The following PHACTR1 variants were observed in gnomAD, a reference collection of about 807,000 sequenced individuals.
PHACTR1 encodes phosphatase and actin regulator 1.
A neutral mutation model predicts 69.2 loss-of-function variants in PHACTR1; 16 were observed. That is an observed-to-expected ratio of 0.23 (90% CI 0.16 to 0.35). PHACTR1 has a LOEUF of 0.35. Among genes scored for constraint, PHACTR1 ranks in the 10% least tolerant of loss-of-function variants. PHACTR1 has a pLI of 1.00. For missense variants in PHACTR1, 510 were observed against 734.7 expected (o/e 0.69, Z 3.54); for synonymous variants, 312 against 284.5 (o/e 1.10, Z -0.97).
intron 3 of PHACTR1, among the ~76,000 whole-genome samples, chr6:12,737,846 A>G (rs1221210062): frequency 6.6e-6 from 1 of 152,108 alleles, no homozygotes; most frequent in African/African-American, 2.4e-5. Context: ...TCCTCCCTCA[A>G]AATGCTGAGA....
At chr6:13,132,970 T>C (rs1820711168) in intron 5 of PHACTR1, among the ~76,000 whole-genome samples, 2 of 152,158 alleles carry the variant, frequency 1.3e-5, no homozygotes, top group Non-Finnish European at 2.9e-5. Flanking sequence ...TTACCCACAA[T>C]AGAACTTCCT....
intron 4 of PHACTR1, among the ~76,000 whole-genome samples, chr6:12,892,522 C>T (rs1332847): frequency 0.23 from 35,603 of 152,026 alleles, 4,543 homozygotes; most frequent in Middle Eastern, 0.37. Context: ...AATCTTCAAG[C>T]GAAGGACCGA....
intron 4 of PHACTR1, among the ~76,000 whole-genome samples, chr6:12,800,163 C>A (rs2127675473): frequency 6.6e-6 from 1 of 152,204 alleles, no homozygotes; most frequent in East Asian, 1.9e-4. Context: ...GAAGCAATGG[C>A]AAAGAAAAAT....
chr6:13,237,684 G>A (rs751653943), intron 10 of PHACTR1, among the ~76,000 whole-genome samples: 11 of 152,274 alleles, frequency 7.2e-5, no homozygotes, highest in Middle Eastern at 3.4e-3. Context: ...CTTAACGATG[G>A]GATTACATTT....
At chr6:13,278,622 C>T (rs890871129) in intron 12 of PHACTR1, among the ~76,000 whole-genome samples, 1 of 152,152 alleles carries the variant, frequency 6.6e-6, no homozygotes, top group African/African-American at 2.4e-5. Flanking sequence ...TTACAAAATT[C>T]ACTATAATCC....
chr6:13,096,004 T>C (rs576652096), intron 5 of PHACTR1, among the ~76,000 whole-genome samples: 1 of 152,050 alleles, frequency 6.6e-6, no homozygotes, highest in South Asian at 2.1e-4. Flanking sequence ...GTAGTTAGAG[T>C]CTGAAATTAT....
At chr6:12,813,136 G>T (rs1235686734) in intron 4 of PHACTR1, among the ~76,000 whole-genome samples, 1 of 152,000 alleles carries the variant, frequency 6.6e-6, no homozygotes, top group Non-Finnish European at 1.5e-5. Context: ...CACAGAGAGA[G>T]AAAAAAACAG....
At chr6:13,264,544 A>G (rs535889567) in intron 10 of PHACTR1, among the ~76,000 whole-genome samples, 1 of 152,038 alleles carries the variant, frequency 6.6e-6, no homozygotes, top group African/African-American at 2.4e-5. Flanking sequence ...ACATGGTGAA[A>G]CCCCATCTCT....
At chr6:13,255,933 C>T (rs1036035822) in intron 10 of PHACTR1, among the ~76,000 whole-genome samples, 1 of 152,214 alleles carries the variant, frequency 6.6e-6, no homozygotes, top group East Asian at 1.9e-4. Context: ...CTCCACTAGG[C>T]AGTGCCCCAG....
intron 4 of PHACTR1, among the ~76,000 whole-genome samples, chr6:12,994,771 G>A (rs973132765): frequency 2.8e-4 from 43 of 152,010 alleles, no homozygotes; most frequent in Admixed American, 6.6e-4. Flanking sequence ...AATACCATAC[G>A]GAATAGCTCA....
intron 4 of PHACTR1, among the ~76,000 whole-genome samples, chr6:12,894,106 A>AT (rs1034862099): frequency 6.6e-6 from 1 of 152,194 alleles, no homozygotes; most frequent in Non-Finnish European, 1.5e-5. Context: ...CAGTTGAATG[A>AT]TTGGGCACAG....
intron 3 of PHACTR1, among the ~76,000 whole-genome samples, chr6:12,745,683 C>A (rs905514680): frequency 9.9e-5 from 15 of 152,112 alleles, no homozygotes; most frequent in Admixed American, 3.3e-4. Context: ...TACAAAGGAC[C>A]AATGTATTTT....
At chr6:13,259,381 A>G (rs529819885) in intron 10 of PHACTR1, among the ~76,000 whole-genome samples, 1 of 152,332 alleles carries the variant, frequency 6.6e-6, no homozygotes, top group Admixed American at 6.5e-5. Flanking sequence ...TTTCCACTCA[A>G]CATGACCAGC....
chr6:12,955,303 A>T (rs1017380300), intron 4 of PHACTR1, among the ~76,000 whole-genome samples: 13 of 147,546 alleles, frequency 8.8e-5, no homozygotes, highest in African/African-American at 3.3e-4. Context: ...GGCTCAAGGG[A>T]TCCTCCCACC....
intron 4 of PHACTR1, among the ~76,000 whole-genome samples, chr6:12,927,063 C>A (rs1181765787): frequency 2.0e-5 from 3 of 152,242 alleles, no homozygotes; most frequent in Admixed American, 6.5e-5. Flanking sequence ...ACAGTAATCA[C>A]AACTTTGCTA....
At chr6:12,800,336 A>G (rs575627521) in intron 4 of PHACTR1, among the ~76,000 whole-genome samples, 179 of 152,354 alleles carry the variant, frequency 1.2e-3, no homozygotes, top group African/African-American at 4.0e-3. Context: ...CCAAAAGGCT[A>G]CAACCCAAGA....
intron 10 of PHACTR1, among the ~76,000 whole-genome samples, chr6:13,249,457 C>T (rs1209503241): frequency 6.6e-6 from 1 of 152,002 alleles, no homozygotes; most frequent in Non-Finnish European, 1.5e-5. Context: ...TGTTAAAGGC[C>T]CCAGAAGATT....
chr6:12,997,851 G>A (rs1443148669), intron 4 of PHACTR1, among the ~76,000 whole-genome samples: 3 of 152,132 alleles, frequency 2.0e-5, no homozygotes, highest in Non-Finnish European at 4.4e-5. Flanking sequence ...TACTCAGGAG[G>A]CTGAGGCAGG....
intron 5 of PHACTR1, among the ~76,000 whole-genome samples, chr6:13,072,679 A>G (rs1036967523): frequency 2.6e-5 from 4 of 152,086 alleles, no homozygotes; most frequent in African/African-American, 4.8e-5. Context: ...ACAAACATGT[A>G]TGTGTTTCTT....
Sources: gnomAD v4.1 joint callset for allele counts (sites outside exome capture counted in the v4.1 genomes callset) on GRCh38, gnomAD v4.1.1 for gene constraint, MANE v1.5 for transcripts, NCBI Gene and HGNC (gene_info 2026-07-23, HGNC 2026-07-21) for gene names.